The following SPAG16 variants were observed in gnomAD, a reference collection of about 807,000 sequenced individuals.
The protein encoded by SPAG16 is sperm-associated antigen 16 protein.
A neutral mutation model predicts 80.4 loss-of-function variants in SPAG16; 86 were observed. The observed-to-expected ratio is 1.07, with a 90% confidence interval of 0.90 to 1.28. The LOEUF (loss-of-function observed/expected upper bound fraction) is 1.28. Ranked by LOEUF, SPAG16 falls within the 50% of genes most tolerant of loss-of-function variation. The pLI, the probability that SPAG16 is intolerant of heterozygous loss-of-function variation, is 0.00. For synonymous variants in SPAG16, 294 were observed against 265.9 expected (o/e 1.11, Z -1.03); for missense variants, 870 against 765.3 (o/e 1.14, Z -1.61).
intron 10 of SPAG16, among the ~76,000 whole-genome samples, chr2:213,800,533 G>A (rs983543807): frequency 2.6e-5 from 4 of 151,936 alleles, no homozygotes; most frequent in African/African-American, 7.3e-5. Flanking sequence ...ATGCTCGTTT[G>A]TTTTGATTTT....
chr2:213,447,947 A>G (rs538837364), intron 9 of SPAG16, among the ~76,000 whole-genome samples: 1 of 152,356 alleles, frequency 6.6e-6, no homozygotes, highest in South Asian at 2.1e-4. Context: ...CAAAAGATCT[A>G]AGAGATTTGT....
In SPAG16 at chr2:214,008,327, G is replaced by A. The variant is rs558288820; in HGVS notation, c.1401-5624G>A. Reference sequence around the variant, plus strand: ...ATAATAATAAATCATTTGTAGTCTTGGTCTTTGATTTCCAATGTTTGATTC... The same window carrying A: ...ATAATAATAAATCATTTGTAGTCTTAGTCTTTGATTTCCAATGTTTGATTC... On this transcript the variant is annotated intron_variant, in intron 12 of 15. Transcript: ENST00000331683. Among the ~76,000 whole-genome samples the A allele has an allele frequency of 5.3e-5, 8 of 151,744 alleles. No homozygotes were observed. In the South Asian group the frequency reaches 1.7e-3, roughly 32 times the overall value.
intron 10 of SPAG16, among the ~76,000 whole-genome samples, chr2:213,701,238 T>TA (rs556622533): frequency 7.6e-6 from 1 of 130,880 alleles, no homozygotes; most frequent in African/African-American, 3.0e-5. Flanking sequence ...AGATTCCATC[T>TA]AAAAAAATAA....
chr2:214,334,262 A>AG (rs1392772862), intron 15 of SPAG16, among the ~76,000 whole-genome samples: 7 of 152,332 alleles, frequency 4.6e-5, no homozygotes, highest in Admixed American at 3.3e-4. Flanking sequence ...ATAGATCCTG[A>AG]GGGGGGCACA....
intron 12 of SPAG16, among the ~76,000 whole-genome samples, chr2:213,949,316 G>T (rs1468263760): frequency 6.6e-6 from 1 of 151,350 alleles, no homozygotes; most frequent in Non-Finnish European, 1.5e-5. Flanking sequence ...GACTACAGGT[G>T]TGCCACCACG....
At chr2:213,483,767 C>T (rs960586571) in intron 9 of SPAG16, among the ~76,000 whole-genome samples, 8 of 152,160 alleles carry the variant, frequency 5.3e-5, no homozygotes, top group African/African-American at 1.9e-4. Flanking sequence ...AGTCATTATT[C>T]TTCAACATAG....
intron 1 of SPAG16, among the ~76,000 whole-genome samples, chr2:213,292,007 C>T (rs2062293650): frequency 6.6e-6 from 1 of 152,082 alleles, no homozygotes; most frequent in Non-Finnish European, 1.5e-5. Flanking sequence ...GATAAAAAGC[C>T]ATTGTCTAGA....
chr2:213,660,379 C>T (rs986760523), intron 10 of SPAG16, among the ~76,000 whole-genome samples: 4 of 151,552 alleles, frequency 2.6e-5, no homozygotes, highest in Non-Finnish European at 4.4e-5. Flanking sequence ...AAGCAATTCT[C>T]CTGCCTCAGT....
At chr2:213,824,811 T>C (rs2073170476) in intron 10 of SPAG16, among the ~76,000 whole-genome samples, 1 of 152,134 alleles carries the variant, frequency 6.6e-6, no homozygotes, top group South Asian at 2.1e-4. Context: ...ATAAAATCCA[T>C]AGATTTCTTT....
intron 10 of SPAG16, among the ~76,000 whole-genome samples, chr2:213,808,562 A>G (rs1460455882): frequency 1.3e-5 from 2 of 152,164 alleles, no homozygotes; most frequent in Non-Finnish European, 2.9e-5. Flanking sequence ...ATGGGTTGCA[A>G]GCCTAAGGCT....
chr2:213,407,822 GAGAGGC>G (rs2068725887), intron 9 of SPAG16, among the ~76,000 whole-genome samples: 1 of 118,802 alleles, frequency 8.4e-6, no homozygotes, highest in African/African-American at 3.1e-5. Context: ...AGAGAGAGGA[GAGAGGC>G]AGAGAGAGAG....
At chr2:213,301,562 A>T (rs968556290) in intron 3 of SPAG16, among the ~76,000 whole-genome samples, 1 of 152,122 alleles carries the variant, frequency 6.6e-6, no homozygotes, top group African/African-American at 2.4e-5. Context: ...AACATCTTTC[A>T]TATCCTTCTC....
chr2:213,405,062 C>T (rs1372826262), intron 9 of SPAG16, among the ~76,000 whole-genome samples: 1 of 152,112 alleles, frequency 6.6e-6, no homozygotes, highest in Non-Finnish European at 1.5e-5. Flanking sequence ...TTATTTTGTC[C>T]ATAAGCTAGT....
At chr2:213,755,620 G>GT (rs1361137122) in intron 10 of SPAG16, among the ~76,000 whole-genome samples, 1 of 152,096 alleles carries the variant, frequency 6.6e-6, no homozygotes, top group Admixed American at 6.6e-5. Flanking sequence ...GAATAGAATC[G>GT]TAACAAGGAC....
intron 13 of SPAG16, among the ~76,000 whole-genome samples, chr2:214,092,827 G>T (rs1328043814): frequency 6.6e-6 from 1 of 152,038 alleles, no homozygotes; most frequent in African/African-American, 2.4e-5. Flanking sequence ...CAAGGCTGGA[G>T]GAGGAAGCCA....
chr2:213,746,541 C>T (rs909823084), intron 10 of SPAG16, among the ~76,000 whole-genome samples: 3 of 152,206 alleles, frequency 2.0e-5, no homozygotes, highest in Admixed American at 6.5e-5. Context: ...TGCGGTGGCT[C>T]ATGCCTGTAA....
chr2:214,140,084 C>T (rs930196932), intron 14 of SPAG16, among the ~76,000 whole-genome samples: 4 of 152,150 alleles, frequency 2.6e-5, no homozygotes, highest in African/African-American at 9.7e-5. Flanking sequence ...AAACTGTAAC[C>T]TGATCGCCTC....
chr2:213,387,775 A>G (rs1405626827), intron 9 of SPAG16, among the ~76,000 whole-genome samples: 1 of 151,952 alleles, frequency 6.6e-6, no homozygotes, highest in African/African-American at 2.4e-5. Context: ...TTTAAAAGAA[A>G]ATTCTTCCCT....
At chr2:214,299,446 C>T (rs1007223779) in intron 15 of SPAG16, among the ~76,000 whole-genome samples, 2 of 151,828 alleles carry the variant, frequency 1.3e-5, no homozygotes, top group Admixed American at 1.3e-4. Context: ...GATGGGGTTT[C>T]ATCATGTTGG....
Sources: allele counts gnomAD v4.1 joint callset (sites outside exome capture counted in the v4.1 genomes callset), GRCh38; gene constraint gnomAD v4.1.1; transcripts MANE v1.5; gene names NCBI Gene and HGNC (gene_info 2026-07-23, HGNC 2026-07-21).